Variants in COMMD7 observed in about 807,000 individuals in gnomAD.
COMMD7 encodes the protein COMM domain containing 7.
Under a neutral mutation model 34.8 loss-of-function variants are expected in COMMD7, and 28 were observed. The observed-to-expected ratio is 0.80, with a 90% CI of 0.60 to 1.10. The LOEUF (loss-of-function observed/expected upper bound fraction) is 1.10, where lower values mean the gene tolerates loss of function less well. COMMD7 is among the 50% of genes least tolerant of loss of function. COMMD7 has a pLI of 0.00. For missense variants in COMMD7, 211 were observed against 241.6 expected, an observed-to-expected ratio of 0.87 and a Z score of 0.84; for synonymous variants, 80 against 86.4, an observed-to-expected ratio of 0.93 and a Z score of 0.41.
At chr20:32,737,546 A>G (rs1360360567) in intron 1 of COMMD7, among the ~76,000 whole-genome samples, 1 of 151,268 alleles carries the variant, frequency 6.6e-6, no homozygotes, top group African/African-American at 2.4e-5. Context: ...AAATGAGTCA[A>G]CTCTGGGTGT....
chr20:32,728,227 G>A (rs910704986), intron 1 of COMMD7, 85 bp from the exon 2 acceptor site: 16 of 1,296,178 alleles, frequency 1.2e-5, no homozygotes, highest in Admixed American at 1.8e-5. Flanking sequence ...ATAGCCTTGA[G>A]AGGGAAGAAC....
chr20:32,703,392 C>A lies in COMMD7; in HGVS notation c.593G>T (p.Cys198Phe). The change falls in exon 9 of 9, where the codon TGT (cysteine) becomes TTT (phenylalanine). Residue 198 changes from cysteine (C) to phenylalanine (F), a missense_variant. By Grantham distance (205) the Cys-to-Phe change is radical. Coordinates refer to ENST00000278980, the MANE Select transcript of COMMD7 (RefSeq NM_053041.3). ...ATGCAGGGACAGAAATCAGCAGAAACACTCCATGCTGGTTCTGACTCGCTC... is the reference window on the plus strand; with the variant it reads ...ATGCAGGGACAGAAATCAGCAGAAAAACTCCATGCTGGTTCTGACTCGCTC... ...EMERVRTSME[C>F]FC The A allele has an allele frequency of 6.2e-7, 1 of 1,613,942 alleles. No homozygotes were observed. The highest frequency in any genetic ancestry group is 8.5e-7 in the Non-Finnish European group (1 of 1,179,952).
intron 3 of COMMD7, among the ~76,000 whole-genome samples, chr20:32,708,041 C>T (rs1047081394): frequency 3.0e-4 from 46 of 152,226 alleles, no homozygotes; most frequent in African/African-American, 1.1e-3. Flanking sequence ...TCACACAGTA[C>T]ACCAAGATGG....
At chr20:32,704,676 G>T in intron 6 of COMMD7, 138 bp downstream of exon 6, 1 of 794,502 alleles carries the variant, frequency 1.3e-6, no homozygotes, top group Non-Finnish European at 2.1e-6. Context: ...ACTGAATGTG[G>T]ACAGAATACA....
rs1986547156 is a variant in COMMD7 at position 32,743,368 on chromosome 20, C to T, written c.24G>A (p.Glu8=). The T allele has an allele frequency of 6.6e-7, 1 of 1,508,664 alleles. No homozygotes were observed. The allele number at this position is 1,508,664 out of a possible 1,614,324, so 93.5% of individuals were successfully genotyped here. A position where few individuals can be genotyped will look rare whatever the true frequency, so the allele number is the denominator to read the frequency against. Residue 8 remains glutamate, a synonymous_variant, in exon 1 of 9, where the codon GAG becomes GAA. Coordinates refer to ENST00000278980, the MANE Select transcript of COMMD7 (RefSeq NM_053041.3). The part of the protein sequence containing the change: MGRLHCT[E]DPVPEAVGGD... ...CGCCCACGGCCTCCGGCACCGGGTC[C>T]TCAGTGCAGTGCAGGCGGCCCATGG...
At chr20:32,720,277 T>C (rs1389682348) in intron 3 of COMMD7, among the ~76,000 whole-genome samples, 1 of 152,134 alleles carries the variant, frequency 6.6e-6, no homozygotes, top group Non-Finnish European at 1.5e-5. Flanking sequence ...GGCAGATCAA[T>C]TGAGATCAGG....
chr20:32,720,246 T>G (rs1985066095), intron 3 of COMMD7, among the ~76,000 whole-genome samples: 1 of 152,010 alleles, frequency 6.6e-6, no homozygotes, highest in Non-Finnish European at 1.5e-5. Context: ...TATAATCCCA[T>G]CACTTTGGGA....
chr20:32,738,237 T>A (rs970976354), intron 1 of COMMD7, among the ~76,000 whole-genome samples: 4 of 152,152 alleles, frequency 2.6e-5, no homozygotes, highest in Non-Finnish European at 4.4e-5. Context: ...GGGATTCTCC[T>A]GCCTCAGCCA....
At chr20:32,743,237 T>TGCCCCCCCCC in intron 1 of COMMD7, 71 bp downstream of exon 1, 3 of 526,956 alleles carry the variant, frequency 5.7e-6, no homozygotes, top group Non-Finnish European at 6.3e-6. Flanking sequence ...CCCCCGGACG[T>TGCCCCCCCCC]CCCCCCCACC....
At chr20:32,737,871 T>A (rs1282876567) in intron 1 of COMMD7, among the ~76,000 whole-genome samples, 3 of 149,978 alleles carry the variant, frequency 2.0e-5, no homozygotes, top group Non-Finnish European at 3.0e-5. Flanking sequence ...CAAGTGCTGA[T>A]CTCAAAGGAA....
intron 3 of COMMD7, among the ~76,000 whole-genome samples, chr20:32,724,908 C>T (rs1985415593): frequency 4.0e-5 from 1 of 25,126 alleles, no homozygotes; most frequent in Admixed American, 2.5e-4. Context: ...CCAAATCCCC[C>T]TCTGTGAGAA....
chr20:32,706,570 A>G lies in COMMD7; in HGVS notation c.336+13T>C. On this transcript the variant is annotated intron_variant, in intron 5 of 8. Coordinates refer to ENST00000278980, the MANE Select transcript of COMMD7 (RefSeq NM_053041.3). ...CTTAATCAGCCATTAACCTTGATTA[A>G]GAGGAATTATACCTTTTCAGAAAAG... 1 of 1,597,812 alleles carries G rather than the reference A, an allele frequency of 6.3e-7. No individual in the cohort carries two copies. Among genetic ancestry groups the G allele is most frequent in the Admixed American group, 1.7e-5 (1 of 59,508 alleles).
intron 5 of COMMD7, among the ~76,000 whole-genome samples, chr20:32,705,519 G>A (rs1200857646): frequency 6.6e-6 from 1 of 151,678 alleles, no homozygotes; most frequent in Non-Finnish European, 1.5e-5. Context: ...GACCACAGGC[G>A]CCCACCACCA....
chr20:32,722,216 G>C (rs1985210094), intron 3 of COMMD7, among the ~76,000 whole-genome samples: 2 of 129,192 alleles, frequency 1.5e-5, no homozygotes, highest in African/African-American at 6.0e-5. Context: ...CTGTACTCCA[G>C]CCTGGGTGAC....
intron 3 of COMMD7, among the ~76,000 whole-genome samples, chr20:32,717,913 C>T (rs895690602): frequency 6.6e-6 from 1 of 151,674 alleles, no homozygotes; most frequent in African/African-American, 2.4e-5. Context: ...GGTAAAACCC[C>T]CTCTTGACCA....
chr20:32,725,438 T>G (rs973014839), intron 3 of COMMD7, among the ~76,000 whole-genome samples: 22 of 149,156 alleles, frequency 1.5e-4, no homozygotes, highest in African/African-American at 5.4e-4. Flanking sequence ...TTTGTTTTTT[T>G]TTTTTTTTGA....
Position 32,704,796 on chromosome 20 carries a change from C to T in COMMD7, c.427+18G>A, listed in dbSNP as rs1457207285. Reference sequence around the variant, plus strand: ...CCTGTACCACCCAAATAACCCAGGACTGGTTGTAACTAGTTACCTCCAAAT... The same window carrying T: ...CCTGTACCACCCAAATAACCCAGGATTGGTTGTAACTAGTTACCTCCAAAT... On this transcript the variant is annotated intron_variant, in intron 6 of 8. Transcript: ENST00000278980. 2 of 1,579,776 alleles carry T rather than the reference C, an allele frequency of 1.3e-6. No homozygotes were observed. Among genetic ancestry groups the T allele is most frequent in the Non-Finnish European group, 1.7e-6 (2 of 1,148,684 alleles).
chr20:32,705,356 G>GTATATATA (rs1984007761), intron 5 of COMMD7, among the ~76,000 whole-genome samples: 5 of 106,206 alleles, frequency 4.7e-5, no homozygotes, highest in African/African-American at 1.9e-4. Context: ...ATATGTGTGT[G>GTATATATA]TGTATATATA....
intron 7 of COMMD7, 47 bp downstream of exon 7, chr20:32,704,371 CCCAATGTAGATATAATTTTTAA>C: frequency 7.5e-7 from 1 of 1,334,736 alleles, no homozygotes; most frequent in South Asian, 1.3e-5. Context: ...ATCCATTTAA[CCCAATGTAGATATAATTTTTAA>C]CCAAGTCAAA....
Sources: allele counts gnomAD v4.1 joint callset (sites outside exome capture counted in the v4.1 genomes callset), GRCh38; gene constraint gnomAD v4.1.1; transcripts MANE v1.5; gene names NCBI Gene and HGNC (gene_info 2026-07-23, HGNC 2026-07-21).